Variants in INSR observed in about 807,000 individuals in gnomAD.
INSR encodes insulin receptor, also known as IR.
In INSR, 67 loss-of-function variants were observed where a neutral mutation model predicts 142.6. The observed-to-expected ratio is 0.47, with a 90% CI of 0.39 to 0.58. The LOEUF is 0.58. Ranked by LOEUF, INSR falls within the 20% of genes least tolerant of loss-of-function variation. The probability of loss-of-function intolerance (pLI) is 0.00; values close to 1 mark genes in which losing one functional copy is unlikely to be tolerated. For missense variants in INSR, 1,248 were observed against 1,833.2 expected (o/e 0.68, Z 5.83); for synonymous variants, 756 against 743.1 (o/e 1.02, Z -0.28).
chr19:7,196,671 C>G (rs559461452), intron 2 of INSR, among the ~76,000 whole-genome samples: 1 of 151,954 alleles, frequency 6.6e-6, no homozygotes, highest in South Asian at 2.1e-4. Context: ...TTAAATGATT[C>G]GATAGCTCCA....
At chr19:7,173,964 G>T in intron 4 of INSR, among the ~76,000 whole-genome samples, 1 of 151,792 alleles carries the variant, frequency 6.6e-6, no homozygotes, top group African/African-American at 2.4e-5. Flanking sequence ...TTCTGCAATA[G>T]GGCATATTGC....
At chr19:7,254,429 T>C (rs1329270232) in intron 2 of INSR, among the ~76,000 whole-genome samples, 1 of 152,022 alleles carries the variant, frequency 6.6e-6, no homozygotes, top group Non-Finnish European at 1.5e-5. Context: ...CTGGCCAGGC[T>C]GAGGCTGGAG....
At chr19:7,210,032 C>A (rs1052275221) in intron 2 of INSR, among the ~76,000 whole-genome samples, 1 of 151,864 alleles carries the variant, frequency 6.6e-6, no homozygotes. Context: ...AAAATGACCC[C>A]CAAGAAGTAT....
chr19:7,158,032 A>C (rs1973641565), intron 9 of INSR, among the ~76,000 whole-genome samples: 1 of 146,180 alleles, frequency 6.8e-6, no homozygotes, highest in Admixed American at 7.2e-5. Flanking sequence ...TGCCTGAATA[A>C]GGGAAGCTCC....
chr19:7,286,326 A>G (rs977954693), intron 1 of INSR, among the ~76,000 whole-genome samples: 1 of 152,108 alleles, frequency 6.6e-6, no homozygotes, highest in Admixed American at 6.6e-5. Context: ...AACCAATGGC[A>G]CAGTTACCTC....
At chr19:7,256,397 C>T (rs1427447349) in intron 2 of INSR, among the ~76,000 whole-genome samples, 6 of 152,038 alleles carry the variant, frequency 3.9e-5, no homozygotes, top group South Asian at 4.2e-4. Context: ...TGCAGTGAGC[C>T]GAGATTGCGC....
intron 14 of INSR, among the ~76,000 whole-genome samples, chr19:7,129,676 G>T (rs1362982382): frequency 6.6e-6 from 1 of 151,946 alleles, no homozygotes; most frequent in Non-Finnish European, 1.5e-5. Flanking sequence ...TTGTTCACTG[G>T]GTCTTGCAAA....
chr19:7,270,134 G>A (rs974150178), intron 1 of INSR, among the ~76,000 whole-genome samples: 2 of 151,980 alleles, frequency 1.3e-5, no homozygotes, highest in Non-Finnish European at 2.9e-5. Flanking sequence ...ATTTTTAGTA[G>A]AGACGGGATT....
chr19:7,231,023 T>C (rs1243318632), intron 2 of INSR, among the ~76,000 whole-genome samples: 1 of 152,124 alleles, frequency 6.6e-6, no homozygotes, highest in East Asian at 1.9e-4. Context: ...CAGCCTCCCC[T>C]CCTGGCATGG....
At chr19:7,146,879 C>T (rs558264301) in intron 11 of INSR, among the ~76,000 whole-genome samples, 16 of 152,282 alleles carry the variant, frequency 1.1e-4, no homozygotes, top group South Asian at 2.1e-4. Flanking sequence ...TTTCTTCAGA[C>T]GCTAGTTTTA....
intron 10 of INSR, among the ~76,000 whole-genome samples, chr19:7,151,282 T>C (rs113185006): frequency 1.7e-3 from 259 of 150,978 alleles, no homozygotes; most frequent in African/African-American, 5.8e-3. Flanking sequence ...TTTTTTCCCT[T>C]CCTTCCTTTT....
chr19:7,246,973 A>C (rs538776041), intron 2 of INSR, among the ~76,000 whole-genome samples: 1 of 132,022 alleles, frequency 7.6e-6, no homozygotes, highest in Non-Finnish European at 1.5e-5. Context: ...TACACAGGAA[A>C]AGCTAGCTGA....
At chr19:7,136,170 A>G (rs1381264063) in intron 13 of INSR, among the ~76,000 whole-genome samples, 1 of 151,960 alleles carries the variant, frequency 6.6e-6, no homozygotes, top group Non-Finnish European at 1.5e-5. Flanking sequence ...CATTTTTGTC[A>G]TGGCTAATTT....
intron 12 of INSR, among the ~76,000 whole-genome samples, 187 bp from the exon 13 acceptor site, chr19:7,142,003 C>T (rs904432264): frequency 2.6e-5 from 4 of 151,610 alleles, no homozygotes; most frequent in East Asian, 1.9e-4. Context: ...TTACTTTCTG[C>T]GTATAACTTT....
chr19:7,196,813 C>A (rs1974760870), intron 2 of INSR, among the ~76,000 whole-genome samples: 2 of 151,970 alleles, frequency 1.3e-5, no homozygotes, highest in South Asian at 4.1e-4. Context: ...TTTATGATTC[C>A]AAAAATTACT....
At chr19:7,163,222 G>A in intron 8 of INSR, 23 bp from the exon 9 acceptor site, 1 of 1,600,638 alleles carries the variant, frequency 6.2e-7, no homozygotes, top group Non-Finnish European at 8.6e-7. Flanking sequence ...AAGGAAATGG[G>A]TCCATCATGA....
intron 2 of INSR, among the ~76,000 whole-genome samples, chr19:7,188,628 T>C (rs1009422366): frequency 2.0e-5 from 3 of 151,580 alleles, no homozygotes; most frequent in Admixed American, 6.6e-5. Context: ...TCCCAGCACT[T>C]TGAGAGGCTG....
chr19:7,184,475 T>C lies in INSR; in HGVS notation c.815A>G (p.Tyr272Cys). The change falls in exon 3 of 22, where the codon TAC becomes TGC. Residue 272 changes from tyrosine to cysteine, a missense_variant. Around this residue, in one of 3 missense-constraint regions of INSR, gnomAD observed 1,069 missense variants for 1,654.0 expected, o/e 0.65. Coordinates refer to ENST00000302850, the MANE Select transcript of INSR (RefSeq NM_000208.4). Reference protein sequence around the residue: ...GRCVETCPPPYYHFQDWRCVN... With the variant: ...GRCVETCPPPCYHFQDWRCVN... ...ACAGCGCCAGTCCTGGAAGTGGTAGTACGGGGGCGGGCAGGTCTCCACACA... is the reference window on the plus strand; with the variant it reads ...ACAGCGCCAGTCCTGGAAGTGGTAGCACGGGGGCGGGCAGGTCTCCACACA... 6.2e-7 allele frequency: 1 copy of C among 1,614,004 alleles called. No homozygotes were observed. The highest frequency in any genetic ancestry group is 8.5e-7 in the Non-Finnish European group (1 of 1,180,014).
chr19:7,285,651 A>T (rs187966166), intron 1 of INSR, among the ~76,000 whole-genome samples: 64 of 152,256 alleles, frequency 4.2e-4, no homozygotes, highest in African/African-American at 1.3e-3. Flanking sequence ...ATAAAAATTT[A>T]AATTTTAAAT....
Sources: allele counts gnomAD v4.1 joint callset (sites outside exome capture counted in the v4.1 genomes callset), GRCh38; gene constraint gnomAD v4.1.1; regional missense constraint gnomAD v4.1.1; transcripts MANE v1.5; gene names NCBI Gene and HGNC (gene_info 2026-07-23, HGNC 2026-07-21).